ALDH16A1: variants seen among roughly 807,000 people sequenced by gnomAD.
ALDH16A1 encodes aldehyde dehydrogenase 16 family member A1, also known as aldehyde dehydrogenase family 16 member A1.
Under a neutral mutation model 96.1 loss-of-function variants are expected in ALDH16A1, and 88 were observed. The observed-to-expected ratio is 0.92, with a 90% CI of 0.77 to 1.09. The LOEUF (loss-of-function observed/expected upper bound fraction) is 1.09, where lower values mean the gene tolerates loss of function less well. ALDH16A1 is among the 50% of genes least tolerant of loss of function. ALDH16A1 has a pLI of 0.00. For missense variants in ALDH16A1, 1,250 were observed against 1,112.6 expected, an observed-to-expected ratio of 1.12 and a Z score of -1.76; for synonymous variants, 522 against 496.4, an observed-to-expected ratio of 1.05 and a Z score of -0.69.
Position 49,468,502 on chromosome 19 carries a change from A to C in ALDH16A1, c.2060A>C (p.Tyr687Ser). Residue 687 changes from tyrosine to serine, a missense_variant, in exon 15 of 17, where the codon TAC becomes TCC. Transcript: ENST00000293350. This position sits in a 1 kb window ranked among gnomAD's most constrained non-coding sequence, Gnocchi z 4.4. ...FVSLLAPALA[Y>S]GNTVVMVPSA... ...TCCCTGCTGGCTCCCGCCCTGGCCTACGGCAACACTGTGGTCATGGTGCCC... is the reference window on the plus strand; with the variant it reads ...TCCCTGCTGGCTCCCGCCCTGGCCTCCGGCAACACTGTGGTCATGGTGCCC... 6.2e-7 allele frequency: 1 copy of C among 1,603,918 alleles called. No individual in the cohort carries two copies. The highest frequency in any genetic ancestry group is 1.1e-5 in the South Asian group (1 of 91,064).
At chr19:49,467,495 C>G (rs533956515) in intron 14 of ALDH16A1, among the ~76,000 whole-genome samples, 1 of 151,310 alleles carries the variant, frequency 6.6e-6, no homozygotes, top group African/African-American at 2.4e-5. Flanking sequence ...CCCAGGTTCA[C>G]GCCATTCTCC....
In ALDH16A1 at chr19:49,464,511, G is replaced by T. The variant is rs375713785; in HGVS notation, c.1426G>T (p.Gly476Trp). 4 of 1,613,600 alleles carry T rather than the reference G, an allele frequency of 2.5e-6. No homozygotes were observed. In the South Asian group the frequency reaches 3.3e-5, roughly 13 times the overall value. Reference sequence around the variant, plus strand: ...CAAGGAGAGTGGGTGTTCCTGGCACGGGGGCCCAGACGTGAGTACATCCCC... The same window carrying T: ...CAAGGAGAGTGGGTGTTCCTGGCACTGGGGCCCAGACGTGAGTACATCCCC... Reference protein sequence around the residue: ...GCKESGCSWHGGPDGLYEYLR... With the variant: ...GCKESGCSWHWGPDGLYEYLR... The change falls in exon 11 of 17, where the codon GGG (glycine) becomes TGG (tryptophan). Residue 476 changes from glycine to tryptophan, a missense_variant. Coordinates refer to ENST00000293350, the MANE Select transcript of ALDH16A1 (RefSeq NM_153329.4).
At chr19:49,460,018 C>T (rs1391145823) in intron 4 of ALDH16A1, among the ~76,000 whole-genome samples, 170 bp downstream of exon 4, 1 of 152,116 alleles carries the variant, frequency 6.6e-6, no homozygotes, top group Non-Finnish European at 1.5e-5. Context: ...TCAAGTGATT[C>T]TCCTGCCTCA....
chr19:49,465,641 C>T lies in ALDH16A1; in HGVS notation c.1569-97C>T, dbSNP rs2079191121. 8 of 1,429,680 alleles carry T rather than the reference C, an allele frequency of 5.6e-6. No individual in the cohort carries two copies. In the East Asian group the frequency reaches 1.8e-4, roughly 33 times the overall value. 88.6% of individuals were successfully genotyped at this position (1,429,680 alleles called of 1,614,324 possible). A position where few individuals can be genotyped will look rare whatever the true frequency, so the allele number is the denominator to read the frequency against. On this transcript the variant is annotated intron_variant, in intron 12 of 16. Transcript: ENST00000293350. ...ACAGGGGTTTGGGGTGCCCCAGAGGCTCACGGGAGCCAAGGCAGTCTTCCC... is the reference window on the plus strand; with the variant it reads ...ACAGGGGTTTGGGGTGCCCCAGAGGTTCACGGGAGCCAAGGCAGTCTTCCC...
At position 49,465,849 on chromosome 19, in the gene ALDH16A1, G is replaced by A; in HGVS notation, c.1680G>A (p.Glu560=). 1.9e-6 allele frequency: 3 copies of A among 1,614,114 alleles called. No individual in the cohort carries two copies. Among genetic ancestry groups the A allele is most frequent in the Non-Finnish European group, 2.5e-6 (3 of 1,180,006 alleles). The change falls in exon 13 of 17, where the codon GAG becomes GAA. Residue 560 remains glutamate (E), a synonymous_variant. Coordinates refer to ENST00000293350, the MANE Select transcript of ALDH16A1 (RefSeq NM_153329.4). ...SSGNLHGYVA[E]GGAKDIRGAV... ...GCAACCTCCATGGCTACGTGGCTGAGGGTGGAGCCAAGGACATCCGAGGTG... is the reference window on the plus strand; with the variant it reads ...GCAACCTCCATGGCTACGTGGCTGAAGGTGGAGCCAAGGACATCCGAGGTG...
intron 9 of ALDH16A1, 77 bp from the exon 10 acceptor site, chr19:49,464,050 G>C (rs2079176259): frequency 6.3e-7 from 1 of 1,578,260 alleles, no homozygotes; most frequent in East Asian, 2.2e-5. Flanking sequence ...CCTGGGCGTG[G>C]GGGCTGCTGC....
At position 49,468,918 on chromosome 19, in the gene ALDH16A1, G is replaced by A; in HGVS notation, c.2179G>A (p.Asp727Asn). ...GLANVVTGDR[D>N]HLTRCLALHQ... The stretch of plus-strand genomic sequence containing the variant: ...GGCCAACGTGGTGACAGGAGACCGG[G>A]ACCATCTGACCCGCTGCCTGGCCTT... The change falls in exon 16 of 17, where the codon GAC (aspartate) becomes AAC (asparagine). Residue 727 changes from aspartate (D) to asparagine (N), a missense_variant. Physicochemically the swap from Asp to Asn is conservative, Grantham distance 23. Transcript: ENST00000293350. This position sits in a 1 kb window ranked among gnomAD's most constrained non-coding sequence, Gnocchi z 4.4. 6.2e-7 allele frequency: 1 copy of A among 1,614,004 alleles called. No individual in the cohort carries two copies. Among genetic ancestry groups the A allele is most frequent in the Non-Finnish European group, 8.5e-7 (1 of 1,180,006 alleles).
intron 8 of ALDH16A1, 57 bp downstream of exon 8, chr19:49,462,812 G>C (rs901006091): frequency 3.4e-6 from 5 of 1,464,864 alleles, no homozygotes; most frequent in Non-Finnish European, 4.5e-6. Flanking sequence ...TGGAGACCCA[G>C]CTCCTGGGTC....
chr19:49,466,230 AGAC>A lies in ALDH16A1; in HGVS notation c.1889_1891del (p.Arg630del). The A allele has an allele frequency of 6.6e-7, 1 of 1,504,642 alleles. No homozygotes were observed. Among genetic ancestry groups the A allele is most frequent in the Admixed American group, 2.3e-5 (1 of 42,732 alleles). 93.2% of individuals were successfully genotyped at this position (1,504,642 alleles called of 1,614,324 possible). Reference sequence around the variant, plus strand: ...GGAGGCGGAGGTGGAGCTGAGCGCAAGACGACTTCGGGCGTGGGGGGCCCGGGT... The same window carrying A: ...GGAGGCGGAGGTGGAGCTGAGCGCAAGACTTCGGGCGTGGGGGGCCCGGGT... On this transcript the variant is annotated inframe_deletion, in exon 14 of 17. Transcript: ENST00000293350.
chr19:49,466,334 A>C, intron 14 of ALDH16A1, 51 bp downstream of exon 14: 1 of 1,415,868 alleles, frequency 7.1e-7, no homozygotes, highest in Non-Finnish European at 9.2e-7. Context: ...GGTGGGGCTC[A>C]GACCAGAGGC....
At position 49,468,954 on chromosome 19, in the gene ALDH16A1, G is replaced by A. The variant is rs769245361; in HGVS notation, c.2215G>A (p.Val739Ile). 1.5e-5 allele frequency: 24 copies of A among 1,613,774 alleles called. No homozygotes were observed. Among genetic ancestry groups the A allele is most frequent in the South Asian group, 2.2e-5 (2 of 91,082 alleles). Reference protein sequence around the residue: ...LTRCLALHQDVQAMWYFGSAQ... With the variant: ...LTRCLALHQDIQAMWYFGSAQ... ...CCGCTGCCTGGCCTTGCACCAAGAC[G>A]TCCAGGCCATGTGGTATTTCGGATC... Residue 739 changes from valine to isoleucine, a missense_variant, in exon 16 of 17, where the codon GTC becomes ATC. Transcript: ENST00000293350. This position sits in a 1 kb window ranked among gnomAD's most constrained non-coding sequence, Gnocchi z 4.4.
At chr19:49,454,673 G>A (rs1478073047) in intron 1 of ALDH16A1, among the ~76,000 whole-genome samples, 1 of 152,194 alleles carries the variant, frequency 6.6e-6, no homozygotes, top group Non-Finnish European at 1.5e-5. Context: ...GAGGGGGAGG[G>A]CAGGAGGCCA....
At position 49,467,165 on chromosome 19, in the gene ALDH16A1, A is replaced by G. The variant is rs141071077; in HGVS notation, c.1938+882A>G. On this transcript the variant is annotated intron_variant, in intron 14 of 16. Transcript: ENST00000293350. ...CCTGAGTATCTGGGATCACAGGCAC[A>G]CACCAGCACACATGACTGGGTGTTT... 8.3e-4 allele frequency among the ~76,000 whole-genome samples: 127 copies of G among 152,224 alleles called. No homozygotes were observed. The Middle Eastern group carries it at 0.01, about 12-fold the overall frequency.
chr19:49,468,767 C>G lies in ALDH16A1; in HGVS notation c.2125-97C>G. On this transcript the variant is annotated intron_variant, in intron 15 of 16. Transcript: ENST00000293350. This position sits in a 1 kb window ranked among gnomAD's most constrained non-coding sequence, Gnocchi z 4.4. ...AGGCCTGGGGCTTTCTCCTCCATGA[C>G]CCCCCATCCCCTTCCCTCCCATGGG... The G allele has an allele frequency of 7.0e-7, 1 of 1,432,808 alleles. No homozygotes were observed. The highest frequency in any genetic ancestry group is 2.3e-5 in the East Asian group (1 of 43,622). The allele number at this position is 1,432,808 out of a possible 1,614,324, so 88.8% of individuals were successfully genotyped here. A position where few individuals can be genotyped will look rare whatever the true frequency, so the allele number is the denominator to read the frequency against.
chr19:49,466,951 C>T (rs546836620), intron 14 of ALDH16A1, among the ~76,000 whole-genome samples: 3 of 150,042 alleles, frequency 2.0e-5, no homozygotes, highest in South Asian at 4.3e-4. Context: ...GTGGGTGGAT[C>T]GCTTGAGGCC....
rs937343004 is a variant in ALDH16A1, at chr19:49,469,201, C to G, written c.2247+215C>G. ...CCTGAGAGCTGCCTAGCCCAAAGAC[C>G]TCGTCTCAGGGGACAGCCCGTTGCT... is the stretch of plus-strand genomic sequence containing the variant. On this transcript the variant is annotated intron_variant, in intron 16 of 16. Transcript: ENST00000293350. 5.2e-6 allele frequency: 3 copies of G among 575,968 alleles called. No homozygotes were observed. The African/African-American group carries it at 5.8e-5, about 11-fold the overall frequency. 35.7% of individuals were successfully genotyped at this position (575,968 alleles called of 1,614,324 possible). A position where few individuals can be genotyped will look rare whatever the true frequency, so the allele number is the denominator to read the frequency against.
intron 1 of ALDH16A1, among the ~76,000 whole-genome samples, chr19:49,457,772 GCTAA>G (rs1161371729): frequency 6.6e-6 from 1 of 151,264 alleles, no homozygotes; most frequent in Non-Finnish European, 1.5e-5. Flanking sequence ...ACCACACCCG[GCTAA>G]CTTTTTGTAT....
Position 49,470,331 on chromosome 19 carries a change from C to T in ALDH16A1, c.2273C>T (p.Ser758Leu), listed in dbSNP as rs755780216. ...GGTTCCCAGTTTGTCGAGTGGGCCT[C>T]GGCAGGAAACCTCAAACCGGTGTGG... ...AQGSQFVEWASAGNLKPVWAS... is the reference protein window; with the variant it reads ...AQGSQFVEWALAGNLKPVWAS... The change falls in exon 17 of 17, where the codon TCG becomes TTG. Residue 758 changes from serine to leucine, a missense_variant. Transcript: ENST00000293350. The T allele has an allele frequency of 1.9e-6, 3 of 1,613,462 alleles. No individual in the cohort carries two copies. The highest frequency in any genetic ancestry group is 2.2e-5 in the East Asian group (1 of 44,852).
chr19:49,467,769 A>G (rs2079211167), intron 14 of ALDH16A1, among the ~76,000 whole-genome samples: 1 of 151,852 alleles, frequency 6.6e-6, no homozygotes, highest in African/African-American at 2.4e-5. Flanking sequence ...ACATAGGGAT[A>G]CACGTGCCAT....
Sources: allele counts gnomAD v4.1 joint callset (sites outside exome capture counted in the v4.1 genomes callset), GRCh38; gene constraint gnomAD v4.1.1; non-coding constraint Gnocchi (gnomAD v3.1); transcripts MANE v1.5; gene names NCBI Gene and HGNC (gene_info 2026-07-23, HGNC 2026-07-21).